The following USH2A variants were observed in gnomAD, a reference collection of about 807,000 sequenced individuals.
USH2A encodes the protein Usher syndrome 2A (autosomal recessive, mild).
Under a neutral mutation model 538.9 loss-of-function variants are expected in USH2A, and 443 were observed. The ratio of observed to expected loss-of-function variants is 0.82; its 90% CI spans 0.76 to 0.89. USH2A has a LOEUF of 0.89. USH2A is among the 40% of genes least tolerant of loss of function. The probability of loss-of-function intolerance (pLI) is 0.00; values close to 1 mark genes in which losing one functional copy is unlikely to be tolerated. For missense variants in USH2A, 6,633 were observed against 6,324.8 expected (o/e 1.05, Z -1.65); for synonymous variants, 2,413 against 2,273.5 (o/e 1.06, Z -1.75).
chr1:216,151,915 C>A (rs1196380356), intron 21 of USH2A, among the ~76,000 whole-genome samples: 2 of 152,114 alleles, frequency 1.3e-5, no homozygotes, highest in African/African-American at 2.4e-5. Context: ...TTTATTCGGA[C>A]CTTGTATCTT....
intron 21 of USH2A, among the ~76,000 whole-genome samples, chr1:216,142,182 T>C (rs2033616109): frequency 6.6e-6 from 1 of 152,214 alleles, no homozygotes; most frequent in Non-Finnish European, 1.5e-5. Flanking sequence ...AGATGAGGAA[T>C]ATGAAATTCA....
In USH2A at chr1:216,021,989, C is replaced by G. The variant is rs115743978; in HGVS notation, c.6326-21427G>C. Among the ~76,000 whole-genome samples, 811 of 151,910 alleles carry G rather than the reference C, an allele frequency of 5.3e-3. 10 individuals carry two copies. The highest frequency in any genetic ancestry group is 0.019 in the African/African-American group (774 of 41,328). On this transcript the variant is annotated intron_variant, in intron 32 of 71. Coordinates refer to ENST00000307340, the MANE Select transcript of USH2A (RefSeq NM_206933.4). ...GTGAATGAGTTCTCACTCTTAGCTC[C>G]CACAAGAACTGGCTGTTGAAAAAGA...
intron 21 of USH2A, among the ~76,000 whole-genome samples, chr1:216,172,857 A>G (rs888700555): frequency 6.6e-6 from 1 of 152,144 alleles, no homozygotes; most frequent in African/African-American, 2.4e-5. Flanking sequence ...CCTCTTTCTT[A>G]CTTTTGTATA....
rs1448034122 is a variant in USH2A, at chr1:216,369,918, G to A, written c.652-4833C>T. 8.8e-5 allele frequency among the ~76,000 whole-genome samples: 3 copies of A among 33,960 alleles called. 1 individual carries two copies. The allele number at this position is 33,960 out of a possible 152,430, so 22.3% of individuals were successfully genotyped here. ...AGCCTGGGTGACAGAGTGAGACTCT[G>A]CCAAAAAAAAAAAAAAAAAAAAAGT... On this transcript the variant is annotated intron_variant, in intron 3 of 71. Transcript: ENST00000307340.
At chr1:216,100,559 C>T (rs1488475008) in intron 21 of USH2A, among the ~76,000 whole-genome samples, 2 of 152,100 alleles carry the variant, frequency 1.3e-5, no homozygotes. Flanking sequence ...TAAAATTACT[C>T]AGCTTGAGGT....
chr1:216,280,914 T>G (rs2102594519), intron 11 of USH2A, among the ~76,000 whole-genome samples: 1 of 152,320 alleles, frequency 6.6e-6, no homozygotes, highest in Admixed American at 6.5e-5. Flanking sequence ...GTGTGCTCCC[T>G]AATATTATTA....
chr1:215,949,667 C>T (rs981098833), intron 37 of USH2A, among the ~76,000 whole-genome samples: 4 of 151,866 alleles, frequency 2.6e-5, no homozygotes, highest in African/African-American at 4.8e-5. Context: ...CAAAATAAAG[C>T]AACATATGTT....
In USH2A at chr1:216,292,640, G is replaced by C. The variant is rs1055400272; in HGVS notation, c.1645-270C>G. Among the ~76,000 whole-genome samples, 45 of 152,038 alleles carry C rather than the reference G, an allele frequency of 3.0e-4. 1 individual carries two copies. The highest frequency in any genetic ancestry group is 9.9e-4 in the African/African-American group (41 of 41,404). On this transcript the variant is annotated intron_variant, in intron 9 of 71. Coordinates refer to ENST00000307340, the MANE Select transcript of USH2A (RefSeq NM_206933.4). ...TAATTTTTGTGGGTACGTAGTAGGT[G>C]TATGTATTTATAGGCTACATGGGAT...
intron 61 of USH2A, among the ~76,000 whole-genome samples, chr1:215,715,075 T>C (rs1009080519): frequency 6.6e-6 from 1 of 152,198 alleles, no homozygotes; most frequent in African/African-American, 2.4e-5. Flanking sequence ...TTGCTGCACC[T>C]ATTAACCCAT....
intron 9 of USH2A, among the ~76,000 whole-genome samples, chr1:216,313,603 G>A (rs1395120040): frequency 6.6e-6 from 1 of 151,872 alleles, no homozygotes; most frequent in Non-Finnish European, 1.5e-5. Context: ...ATATTTGCTG[G>A]TTTACTTGCT....
At chr1:215,830,392 G>C (rs1663278466) in intron 47 of USH2A, among the ~76,000 whole-genome samples, 1 of 152,300 alleles carries the variant, frequency 6.6e-6, no homozygotes, top group Non-Finnish European at 1.5e-5. Context: ...AAATCTTTCT[G>C]TCCAGAGAAA....
chr1:216,243,487 T>C (rs1313674223), intron 13 of USH2A, among the ~76,000 whole-genome samples: 1 of 152,164 alleles, frequency 6.6e-6, no homozygotes, highest in Non-Finnish European at 1.5e-5. Flanking sequence ...ATATATACCT[T>C]GATATTCAGA....
chr1:215,682,009 T>C (rs549393450), intron 61 of USH2A, among the ~76,000 whole-genome samples: 4 of 152,260 alleles, frequency 2.6e-5, no homozygotes, highest in African/African-American at 9.6e-5. Flanking sequence ...CTCCATAACA[T>C]TGGATTGGCC....
At chr1:215,947,259 G>T (rs1336729124) in intron 37 of USH2A, among the ~76,000 whole-genome samples, 2 of 151,994 alleles carry the variant, frequency 1.3e-5, no homozygotes, top group Non-Finnish European at 2.9e-5. Context: ...ACCCAGACTG[G>T]TCTCAAACTC....
chr1:216,111,769 T>A (rs2032879371), intron 21 of USH2A, among the ~76,000 whole-genome samples: 1 of 150,694 alleles, frequency 6.6e-6, no homozygotes, highest in South Asian at 2.1e-4. Context: ...AATTTTCACA[T>A]AAAATTAATT....
At chr1:216,354,823 A>G (rs1202103131) in intron 4 of USH2A, among the ~76,000 whole-genome samples, 1 of 152,086 alleles carries the variant, frequency 6.6e-6, no homozygotes, top group Non-Finnish European at 1.5e-5. Context: ...GGAAGCAAAA[A>G]AAGGAAAAAA....
intron 21 of USH2A, among the ~76,000 whole-genome samples, chr1:216,116,912 G>A (rs1396022605): frequency 6.6e-6 from 1 of 152,058 alleles, no homozygotes; most frequent in Non-Finnish European, 1.5e-5. Context: ...ATCTAATTTT[G>A]AGTGTGCTGG....
intron 7 of USH2A, 125 bp from the exon 8 acceptor site, chr1:216,323,820 C>T (rs2037668596): frequency 1.1e-6 from 1 of 885,086 alleles, no homozygotes; most frequent in African/African-American, 1.7e-5. Flanking sequence ...CTAGGAAAAG[C>T]ATATTCCATA....
At chr1:215,696,607 G>A (rs890663030) in intron 61 of USH2A, among the ~76,000 whole-genome samples, 6 of 152,190 alleles carry the variant, frequency 3.9e-5, no homozygotes, top group African/African-American at 1.4e-4. Flanking sequence ...AGAAAGACAG[G>A]ATCTGGTTGG....
Sources: gnomAD v4.1 joint callset for allele counts (sites outside exome capture counted in the v4.1 genomes callset) on GRCh38, gnomAD v4.1.1 for gene constraint, MANE v1.5 for transcripts, NCBI Gene and HGNC (gene_info 2026-07-23, HGNC 2026-07-21) for gene names.